The following BUD31 variants were observed in gnomAD, a reference collection of about 807,000 sequenced individuals.
BUD31 encodes the protein BUD31 spliceosome associated protein.
In BUD31, 9 loss-of-function variants were observed where a neutral mutation model predicts 17.9. The ratio of observed to expected loss-of-function variants is 0.50; its 90% CI spans 0.30 to 0.88. The LOEUF is 0.88. Ranked by LOEUF, BUD31 falls within the 40% of genes least tolerant of loss-of-function variation. The pLI is 0.06. For synonymous variants in BUD31, 70 were observed against 64.7 expected, an observed-to-expected ratio of 1.08 and a Z score of -0.39; for missense variants, 148 against 184.5, an observed-to-expected ratio of 0.80 and a Z score of 1.15.
At chr7:99,410,552 C>G (rs1443835542) in intron 2 of BUD31, among the ~76,000 whole-genome samples, 1 of 151,960 alleles carries the variant, frequency 6.6e-6, no homozygotes, top group Admixed American at 6.6e-5. Flanking sequence ...CCATCTTTGC[C>G]TTTTTAAATA....
intron 3 of BUD31, among the ~76,000 whole-genome samples, chr7:99,414,948 A>T (rs1795332091): frequency 6.6e-6 from 1 of 152,288 alleles, no homozygotes; most frequent in South Asian, 2.1e-4. Flanking sequence ...CAGTGGCTCC[A>T]CCATTTTACA....
At chr7:99,413,872 G>A (rs1278148224) in intron 3 of BUD31, among the ~76,000 whole-genome samples, 1 of 152,204 alleles carries the variant, frequency 6.6e-6, no homozygotes, top group African/African-American at 2.4e-5. Context: ...GATTACAGGC[G>A]TGAGCCACTG....
chr7:99,415,007 A>G (rs1795337467), intron 3 of BUD31: 1 of 261,080 alleles, frequency 3.8e-6, no homozygotes, highest in Admixed American at 5.5e-5. Flanking sequence ...ATCCTTCCCA[A>G]CACTTGTTAT....
chr7:99,413,696 C>T (rs370681763), intron 3 of BUD31, among the ~76,000 whole-genome samples: 92 of 152,184 alleles, frequency 6.0e-4, no homozygotes, highest in South Asian at 2.5e-3. Context: ...GGTTCAAGCA[C>T]TTCTCGTGCC....
At chr7:99,418,114 T>C (rs1795609451) in intron 5 of BUD31, 1 of 389,228 alleles carries the variant, frequency 2.6e-6, no homozygotes. Flanking sequence ...ACTACAGGCA[T>C]GCACCACCAC....
chr7:99,412,172 C>T (rs566026244), intron 3 of BUD31, among the ~76,000 whole-genome samples: 1 of 152,262 alleles, frequency 6.6e-6, no homozygotes, highest in South Asian at 2.1e-4. Flanking sequence ...ATTAAATACT[C>T]AGTACTTGTT....
rs546184051 is a variant in BUD31 at position 99,419,508 on chromosome 7, G to A, written c.*67G>A. 5.0e-6 allele frequency: 8 copies of A among 1,584,924 alleles called. No individual in the cohort carries two copies. In the African/African-American group the frequency reaches 5.4e-5, roughly 11 times the overall value. On this transcript the variant is annotated 3_prime_UTR_variant, in exon 6 of 6. Coordinates refer to ENST00000222969, the MANE Select transcript of BUD31 (RefSeq NM_003910.4). ...CTGCCTGTCACGCCACCCCCTTCCT[G>A]GGAGCAGCGAGCAGTGCCCCAGGCC...
intron 5 of BUD31, chr7:99,417,902 G>T: frequency 7.6e-7 from 1 of 1,324,206 alleles, no homozygotes; most frequent in Non-Finnish European, 9.7e-7. Context: ...GTGACATCAG[G>T]GAAGGACAAC....
intron 5 of BUD31, chr7:99,417,830 TG>T: frequency 6.8e-7 from 1 of 1,476,706 alleles, no homozygotes; most frequent in Non-Finnish European, 9.0e-7. Flanking sequence ...GGCAAATTAC[TG>T]AACCCCTTTC....
At chr7:99,414,876 G>A (rs933891489) in intron 3 of BUD31, among the ~76,000 whole-genome samples, 12 of 152,306 alleles carry the variant, frequency 7.9e-5, no homozygotes, top group Admixed American at 2.6e-4. Flanking sequence ...GGGATTACAG[G>A]TGTGAGCCAC....
Position 99,416,179 on chromosome 7 carries a change from C to T in BUD31, c.136C>T (p.Leu46=). 6.2e-7 allele frequency: 1 copy of T among 1,614,040 alleles called. No homozygotes were observed. The highest frequency in any genetic ancestry group is 8.5e-7 in the Non-Finnish European group (1 of 1,179,952). ...TGAGGGAAAGAGGAAAGTGGAATCT[C>T]TGTGGCCCATCTTCAGGATCCACCA... ...PHEGKRKVES[L]WPIFRIHHQK... is the part of the protein sequence containing the mutation. The change falls in exon 4 of 6, where the codon CTG becomes TTG. Residue 46 remains leucine, a synonymous_variant. Coordinates refer to ENST00000222969, the MANE Select transcript of BUD31 (RefSeq NM_003910.4).
intron 3 of BUD31, 158 bp downstream of exon 3, chr7:99,411,344 C>T (rs2150918643): frequency 1.8e-6 from 1 of 568,990 alleles, no homozygotes; most frequent in South Asian, 2.5e-5. Context: ...CTGTAAGTGC[C>T]CGAAAATAAG....
At chr7:99,414,815 C>A (rs1017732925) in intron 3 of BUD31, among the ~76,000 whole-genome samples, 2 of 152,192 alleles carry the variant, frequency 1.3e-5, no homozygotes, top group Admixed American at 6.5e-5. Context: ...CCAAGCTGGT[C>A]TCAGACTCCT....
chr7:99,415,134 A>C (rs1303437299), intron 3 of BUD31: 5 of 444,692 alleles, frequency 1.1e-5, no homozygotes, highest in Non-Finnish European at 2.2e-5. Flanking sequence ...CAAAGAGATA[A>C]AAGACAGCTG....
At chr7:99,417,184 G>A (rs1795535592) in intron 4 of BUD31, 1 of 403,938 alleles carries the variant, frequency 2.5e-6, no homozygotes, top group Admixed American at 4.0e-5. Flanking sequence ...AGCCTCCTAA[G>A]TAGCTGGGAT....
chr7:99,417,645 C>G (rs377490306), intron 5 of BUD31, 50 bp downstream of exon 5: 686 of 1,601,212 alleles, frequency 4.3e-4, no homozygotes, highest in Middle Eastern at 6.6e-4. Flanking sequence ...AAAATTCTGC[C>G]TTAGTCGACT....
intron 5 of BUD31, 71 bp from the exon 6 acceptor site, chr7:99,419,320 T>G: frequency 1.3e-6 from 2 of 1,569,564 alleles, no homozygotes; most frequent in South Asian, 2.2e-5. Flanking sequence ...GTGGGAGGGT[T>G]GCCACATATG....
rs948442041 is a variant in BUD31, at chr7:99,411,155, A to G, written c.63A>G (p.Thr21=). 4.3e-6 allele frequency: 7 copies of G among 1,614,014 alleles called. No homozygotes were observed. Among genetic ancestry groups the G allele is most frequent in the Non-Finnish European group, 4.2e-6 (5 of 1,180,024 alleles). ...PPDGWELIEP[T]LDELDQKMRE... ...ATGGCTGGGAGTTGATTGAGCCAAC[A>G]CTGGATGAATTAGATCAAAAGATGA... The change falls in exon 3 of 6, where the codon ACA becomes ACG. Residue 21 remains threonine (T), a synonymous_variant. Transcript: ENST00000222969.
At chr7:99,411,839 T>G (rs1011634157) in intron 3 of BUD31, 14 of 399,932 alleles carry the variant, frequency 3.5e-5, no homozygotes, top group Non-Finnish European at 7.0e-5. Context: ...CTCGAGTAAT[T>G]TGGATTACAG....
Sources: allele counts gnomAD v4.1 joint callset (sites outside exome capture counted in the v4.1 genomes callset), GRCh38; gene constraint gnomAD v4.1.1; transcripts MANE v1.5; gene names NCBI Gene and HGNC (gene_info 2026-07-23, HGNC 2026-07-21).